Variants in RAPH1 observed in about 807,000 individuals in gnomAD.
RAPH1 encodes ras-associated and pleckstrin homology domains-containing protein 1.
Under a neutral mutation model 88.1 loss-of-function variants are expected in RAPH1, and 18 were observed. The observed-to-expected ratio is 0.20, with a 90% CI of 0.14 to 0.30. The LOEUF (loss-of-function observed/expected upper bound fraction) is 0.30, where lower values mean the gene tolerates loss of function less well. Ranked by LOEUF, RAPH1 falls within the 10% of genes least tolerant of loss-of-function variation. RAPH1 has a pLI of 1.00. For missense variants in RAPH1, 1,448 were observed against 1,543.2 expected (o/e 0.94, Z 1.03); for synonymous variants, 587 against 559.0 (o/e 1.05, Z -0.71).
intron 1 of RAPH1, among the ~76,000 whole-genome samples, chr2:203,516,337 C>A (rs1689604801): frequency 6.6e-6 from 1 of 151,912 alleles, no homozygotes; most frequent in Non-Finnish European, 1.5e-5. Flanking sequence ...GAGTAGAATA[C>A]AAAATGGAAT....
At chr2:203,512,800 A>AT (rs1203015786) in intron 1 of RAPH1, among the ~76,000 whole-genome samples, 2 of 151,354 alleles carry the variant, frequency 1.3e-5, no homozygotes, top group Admixed American at 6.6e-5. Flanking sequence ...ATTTTTTGTT[A>AT]TTTTTTAGTA....
At chr2:203,457,198 T>C (rs1363631065) in intron 8 of RAPH1, among the ~76,000 whole-genome samples, 1 of 151,842 alleles carries the variant, frequency 6.6e-6, no homozygotes, top group East Asian at 2.0e-4. Flanking sequence ...TTTATTTATT[T>C]ATTTTATTGA....
chr2:203,515,521 T>C (rs1559500417), intron 1 of RAPH1, among the ~76,000 whole-genome samples: 1 of 152,200 alleles, frequency 6.6e-6, no homozygotes, highest in Non-Finnish European at 1.5e-5. Flanking sequence ...GCTGGTGTCT[T>C]TTATTGTATC....
At chr2:203,472,882 G>A (rs1179182801) in intron 4 of RAPH1, among the ~76,000 whole-genome samples, 1 of 152,120 alleles carries the variant, frequency 6.6e-6, no homozygotes, top group Non-Finnish European at 1.5e-5. Flanking sequence ...ATGAGGCAAT[G>A]ATATTTAATT....
chr2:203,521,754 T>C (rs1689884168), intron 1 of RAPH1, among the ~76,000 whole-genome samples: 1 of 152,172 alleles, frequency 6.6e-6, no homozygotes. Flanking sequence ...TATATTATTA[T>C]AAGGCAGATG....
At chr2:203,472,520 T>C (rs2098534090) in intron 4 of RAPH1, among the ~76,000 whole-genome samples, 1 of 152,216 alleles carries the variant, frequency 6.6e-6, no homozygotes, top group Non-Finnish European at 1.5e-5. Context: ...CATTCATTTT[T>C]AGCTATTCAA....
At chr2:203,441,996 C>G in intron 13 of RAPH1, 2 of 1,538,044 alleles carry the variant, frequency 1.3e-6, no homozygotes, top group South Asian at 1.3e-5. Context: ...CACACACACT[C>G]GTGTTGGTGT....
At chr2:203,492,753 T>C (rs963538982) in intron 2 of RAPH1, among the ~76,000 whole-genome samples, 4 of 149,164 alleles carry the variant, frequency 2.7e-5, no homozygotes, top group African/African-American at 7.4e-5. Flanking sequence ...TGCTGGATAC[T>C]CTATGTGTTT....
intron 4 of RAPH1, among the ~76,000 whole-genome samples, chr2:203,475,795 A>G (rs149336520): frequency 2.1e-3 from 313 of 151,616 alleles, no homozygotes; most frequent in African/African-American, 7.2e-3. Flanking sequence ...TCTTAAACCC[A>G]AAGTTCTTGA....
At chr2:203,472,647 A>G (rs950935813) in intron 4 of RAPH1, among the ~76,000 whole-genome samples, 1 of 152,220 alleles carries the variant, frequency 6.6e-6, no homozygotes, top group African/African-American at 2.4e-5. Context: ...TTACTTTTTT[A>G]GAAAAATTAT....
chr2:203,491,466 A>T, intron 2 of RAPH1, 147 bp from the exon 3 acceptor site: 2 of 538,540 alleles, frequency 3.7e-6, no homozygotes, highest in Non-Finnish European at 6.5e-6. Flanking sequence ...AAGGAAAAGT[A>T]TAATTGTATT....
At chr2:203,517,359 C>CAAAAAAAAAAAAAAAAAAAAAAAAGA (rs1689663265) in intron 1 of RAPH1, among the ~76,000 whole-genome samples, 1 of 32,148 alleles carries the variant, frequency 3.1e-5, no homozygotes, top group Non-Finnish European at 6.0e-5. Context: ...CTATGAGAGG[C>CAAAAAAAAAAAAAAAAAAAAAAAAGA]AAAAAAAAAA....
At chr2:203,462,676 A>G (rs1307629804) in intron 4 of RAPH1, among the ~76,000 whole-genome samples, 1 of 152,190 alleles carries the variant, frequency 6.6e-6, no homozygotes, top group African/African-American at 2.4e-5. Flanking sequence ...ACTTAGATTA[A>G]AAAGAGTAAT....
intron 1 of RAPH1, among the ~76,000 whole-genome samples, chr2:203,497,142 C>T (rs181111595): frequency 6.6e-6 from 1 of 152,312 alleles, no homozygotes; most frequent in East Asian, 1.9e-4. Flanking sequence ...TTTCATGAAG[C>T]ACTGGAGTAC....
intron 13 of RAPH1, chr2:203,441,926 C>G: frequency 7.3e-7 from 1 of 1,363,938 alleles, no homozygotes; most frequent in Non-Finnish European, 9.5e-7. Flanking sequence ...TAAGCTGACA[C>G]AGGAGAGTAT....
rs777548345 is a variant in RAPH1 at position 203,495,371 on chromosome 2, G to A, written c.1-18C>T. On this transcript the variant is annotated intron_variant, in intron 1 of 13. Transcript: ENST00000319170. ...TGCTCCATCTGAAATACAGACATTTGTGTAGAATGAATAGTAAGTTACAGG... is the reference window on the plus strand; with the variant it reads ...TGCTCCATCTGAAATACAGACATTTATGTAGAATGAATAGTAAGTTACAGG... The A allele has an allele frequency of 1.4e-5, 23 of 1,613,160 alleles. No homozygotes were observed. The East Asian group carries it at 4.7e-4, about 33-fold the overall frequency.
chr2:203,471,843 C>G (rs1404243665), intron 4 of RAPH1, among the ~76,000 whole-genome samples: 1 of 151,108 alleles, frequency 6.6e-6, no homozygotes, highest in African/African-American at 2.4e-5. Flanking sequence ...ACCTAAGGTC[C>G]AATTTTTTTA....
intron 1 of RAPH1, among the ~76,000 whole-genome samples, chr2:203,517,465 C>CA (rs1179138355): frequency 1.3e-5 from 2 of 150,712 alleles, no homozygotes; most frequent in Non-Finnish European, 3.0e-5. Flanking sequence ...ATTCAGCAGG[C>CA]AAAAAATCAG....
chr2:203,455,846 TAA>T (rs1034193198), intron 8 of RAPH1, among the ~76,000 whole-genome samples: 24 of 123,310 alleles, frequency 1.9e-4, no homozygotes, highest in Admixed American at 4.2e-4. Context: ...CGTCTCTACT[TAA>T]AAAAAAAAAA....
Sources: gnomAD v4.1 joint callset for allele counts (sites outside exome capture counted in the v4.1 genomes callset) on GRCh38, gnomAD v4.1.1 for gene constraint, MANE v1.5 for transcripts, NCBI Gene and HGNC (gene_info 2026-07-23, HGNC 2026-07-21) for gene names.